Variants in ITSN1 observed in about 807,000 individuals in gnomAD.
ITSN1 encodes intersectin 1.
ITSN1 carries 58 observed loss-of-function variants against 239.8 expected under a neutral mutation model. The observed-to-expected ratio is 0.24, with a 90% confidence interval of 0.20 to 0.30. ITSN1 has a LOEUF of 0.30. ITSN1 is among the 10% of genes least tolerant of loss of function. The pLI, the probability that ITSN1 is intolerant of heterozygous loss-of-function variation, is 1.00. For synonymous variants in ITSN1, 780 were observed against 770.8 expected (o/e 1.01, Z -0.20); for missense variants, 1,558 against 2,103.3 (o/e 0.74, Z 5.07).
At chr21:33,799,098 A>G (rs1569203572) in intron 18 of ITSN1, among the ~76,000 whole-genome samples, 1 of 152,216 alleles carries the variant, frequency 6.6e-6, no homozygotes, top group African/African-American at 2.4e-5. Context: ...GTAGCTCTTG[A>G]GTAAAAATGC....
intron 34 of ITSN1, among the ~76,000 whole-genome samples, chr21:33,878,929 G>A (rs1213454892): frequency 6.6e-6 from 1 of 152,176 alleles, no homozygotes; most frequent in Admixed American, 6.5e-5. Flanking sequence ...ACAACAAGAT[G>A]TGAGGGGTAA....
chr21:33,767,012 A>G (rs954758816), intron 10 of ITSN1, among the ~76,000 whole-genome samples: 1 of 152,094 alleles, frequency 6.6e-6, no homozygotes, highest in Non-Finnish European at 1.5e-5. Flanking sequence ...TACTAAAAAT[A>G]CAAAAATTAG....
In ITSN1 at chr21:33,775,068, T is replaced by C. The variant is rs1195167683; in HGVS notation, c.1556T>C (p.Leu519Ser). 1 of 1,614,044 alleles carries C rather than the reference T, an allele frequency of 6.2e-7. No individual in the cohort carries two copies. Among genetic ancestry groups the C allele is most frequent in the Admixed American group, 1.7e-5 (1 of 60,012 alleles). The part of the protein sequence containing the change: ...EIESTNKSRE[L>S]RIAEITHLQQ... The stretch of plus-strand genomic sequence containing the variant: ...GAGAGCACAAACAAATCTAGAGAGT[T>C]GAGAATTGCCGAAATCACCCATCTA... The change falls in exon 14 of 40, where the codon TTG (leucine) becomes TCG (serine). Residue 519 changes from leucine (L) to serine (S), a missense_variant. Leu to Ser is a moderately radical substitution (Grantham distance 145). Coordinates refer to ENST00000381318, the MANE Select transcript of ITSN1 (RefSeq NM_003024.3).
chr21:33,678,295 A>C (rs1465235539), intron 1 of ITSN1, among the ~76,000 whole-genome samples: 1 of 151,992 alleles, frequency 6.6e-6, no homozygotes, highest in Non-Finnish European at 1.5e-5. Context: ...AGCCCCACAC[A>C]CCCCCTCTAG....
In ITSN1 at chr21:33,711,652, TTGTGTGTGTGTGTG is replaced by T. The variant is rs58696981; in HGVS notation, c.-32-7119_-32-7106del. 2.9e-3 allele frequency among the ~76,000 whole-genome samples: 392 copies of T among 134,888 alleles called. 2 individuals are homozygous for T. The highest frequency in any genetic ancestry group is 5.2e-3 in the East Asian group (25 of 4,774). The allele number at this position is 134,888 out of a possible 152,430, so 88.5% of individuals were successfully genotyped here. Reference sequence around the variant, plus strand: ...TTTTGGCTATGTCTTTTTCTGTGTGTTGTGTGTGTGTGTGTGTGTGTGTGTGTGTGTGTGTGTGT... The same window carrying T: ...TTTTGGCTATGTCTTTTTCTGTGTGTTGTGTGTGTGTGTGTGTGTGTGTGT... On this transcript the variant is annotated intron_variant, in intron 1 of 39. Transcript: ENST00000381318.
At chr21:33,717,315 G>C (rs562890567) in intron 1 of ITSN1, among the ~76,000 whole-genome samples, 2 of 151,790 alleles carry the variant, frequency 1.3e-5, no homozygotes, top group Admixed American at 1.3e-4. Flanking sequence ...TGCCACCTCA[G>C]CCTCCTGAGT....
At position 33,829,679 on chromosome 21, in the gene ITSN1, C is replaced by T. The variant is rs372524815; in HGVS notation, c.3285C>T (p.Leu1095=). The part of the protein sequence containing the change: ...YTATGPEQLT[L]APGQLILIRK... Reference sequence around the variant, plus strand: ...CCACCGGCCCCGAGCAGCTCACTCTCGCCCCTGGTCAGCTGATTTTGATCC... The same window carrying T: ...CCACCGGCCCCGAGCAGCTCACTCTTGCCCCTGGTCAGCTGATTTTGATCC... The change falls in exon 27 of 40, where the codon CTC becomes CTT. Residue 1095 remains leucine, a synonymous_variant. Transcript: ENST00000381318. The T allele has an allele frequency of 1.4e-5, 23 of 1,612,666 alleles. No homozygotes were observed. Among genetic ancestry groups the T allele is most frequent in the Non-Finnish European group, 1.8e-5 (21 of 1,179,910 alleles).
chr21:33,701,929 G>A (rs902541491), intron 1 of ITSN1, among the ~76,000 whole-genome samples: 5 of 151,806 alleles, frequency 3.3e-5, no homozygotes, highest in Non-Finnish European at 5.9e-5. Flanking sequence ...TTAGCTGGGC[G>A]TGGTGGTGGG....
intron 14 of ITSN1, among the ~76,000 whole-genome samples, chr21:33,779,894 C>T (rs879907789): frequency 3.3e-5 from 5 of 151,918 alleles, no homozygotes; most frequent in East Asian, 1.9e-4. Context: ...TGCAGTGGTG[C>T]GATCTCGGCT....
rs1251401511 is a variant in ITSN1, at chr21:33,894,911, C to G, written c.*6611C>G. The G allele has an allele frequency of 6.6e-6, 1 of 152,250 alleles. No individual in the cohort carries two copies. The highest frequency in any genetic ancestry group is 1.5e-5 in the Non-Finnish European group (1 of 68,072). The allele number at this position is 152,250 out of a possible 1,614,324, so 9.4% of individuals were successfully genotyped here. A position where few individuals can be genotyped will look rare whatever the true frequency, so the allele number is the denominator to read the frequency against. Reference sequence around the variant, plus strand: ...GGTCTCCCTGTAGGAGGAGGAAACTCGCTGTTTTCACTGGCAGATTTCAAG... The same window carrying G: ...GGTCTCCCTGTAGGAGGAGGAAACTGGCTGTTTTCACTGGCAGATTTCAAG... On this transcript the variant is annotated 3_prime_UTR_variant, in exon 40 of 40. Transcript: ENST00000381318.
At chr21:33,791,760 A>G (rs569623298) in intron 16 of ITSN1, among the ~76,000 whole-genome samples, 18 of 152,008 alleles carry the variant, frequency 1.2e-4, no homozygotes, top group Non-Finnish European at 2.4e-4. Flanking sequence ...GTATGTTGAT[A>G]CATCATGGCC....
intron 34 of ITSN1, among the ~76,000 whole-genome samples, chr21:33,881,616 G>A (rs545402645): frequency 6.6e-6 from 1 of 152,200 alleles, no homozygotes; most frequent in East Asian, 1.9e-4. Context: ...ACCCTGCATA[G>A]AGCAGGGAGT....
At chr21:33,874,386 G>A (rs139215019) in intron 33 of ITSN1, among the ~76,000 whole-genome samples, 4 of 152,194 alleles carry the variant, frequency 2.6e-5, no homozygotes, top group East Asian at 3.9e-4. Context: ...TGCAGCCACC[G>A]CTCCTCTTAT....
chr21:33,650,610 T>A (rs1368283804), intron 1 of ITSN1, among the ~76,000 whole-genome samples: 1 of 152,242 alleles, frequency 6.6e-6, no homozygotes, highest in Non-Finnish European at 1.5e-5. Flanking sequence ...AGATAGTAGA[T>A]TTTAAAACCA....
chr21:33,779,901 G>A (rs1007359498), intron 14 of ITSN1, among the ~76,000 whole-genome samples: 13 of 151,368 alleles, frequency 8.6e-5, no homozygotes, highest in South Asian at 2.1e-4. Context: ...GTGCGATCTC[G>A]GCTCACTGCA....
chr21:33,707,890 A>G (rs2092299449), intron 1 of ITSN1, among the ~76,000 whole-genome samples: 1 of 152,222 alleles, frequency 6.6e-6, no homozygotes, highest in African/African-American at 2.4e-5. Context: ...ATAAATTTTC[A>G]TTTCTCTTAA....
chr21:33,693,639 GA>G lies in ITSN1; in HGVS notation c.-32-25157del, dbSNP rs2091657653. 2.0e-5 allele frequency among the ~76,000 whole-genome samples: 3 copies of G among 152,272 alleles called. No individual in the cohort carries two copies. The South Asian group carries it at 6.2e-4, about 32-fold the overall frequency. On this transcript the variant is annotated intron_variant, in intron 1 of 39. Coordinates refer to ENST00000381318, the MANE Select transcript of ITSN1 (RefSeq NM_003024.3). ...CCCACAGTGCTGGGACTACAGGCGT[GA>G]GCCACTGTACCCAGCCCCTTCTTGC... is the stretch of plus-strand genomic sequence containing the variant.
In ITSN1 at chr21:33,735,256, A is replaced by T. The variant is rs1395265180; in HGVS notation, c.346+52A>T. 1.9e-6 allele frequency: 3 copies of T among 1,564,258 alleles called. No individual in the cohort carries two copies. In the Admixed American group the frequency reaches 5.1e-5, roughly 27 times the overall value. ...GTATTTTCTTGTATATTTTAAAAAT[A>T]AATGTTTTCCTTTTTTTCCCTCTCG... On this transcript the variant is annotated intron_variant, in intron 5 of 39. Transcript: ENST00000381318.
chr21:33,881,095 A>G (rs187702165), intron 34 of ITSN1, among the ~76,000 whole-genome samples: 1 of 152,182 alleles, frequency 6.6e-6, no homozygotes, highest in Admixed American at 6.5e-5. Context: ...TCTGTTTGGC[A>G]CTGGAGGGTC....
Sources: allele counts gnomAD v4.1 joint callset (sites outside exome capture counted in the v4.1 genomes callset), GRCh38; gene constraint gnomAD v4.1.1; transcripts MANE v1.5; gene names NCBI Gene and HGNC (gene_info 2026-07-23, HGNC 2026-07-21).